Variants in MTUS1 observed in about 807,000 individuals in gnomAD.
MTUS1 encodes microtubule-associated tumor suppressor 1.
In MTUS1, 109 loss-of-function variants were observed where a neutral mutation model predicts 120.8. The observed-to-expected ratio is 0.90, with a 90% CI of 0.77 to 1.06. The LOEUF (loss-of-function observed/expected upper bound fraction) is 1.06, where lower values mean the gene tolerates loss of function less well. Among genes scored for constraint, MTUS1 ranks in the 50% least tolerant of loss-of-function variants. The probability of loss-of-function intolerance (pLI) is 0.00; values close to 1 mark genes in which losing one functional copy is unlikely to be tolerated. For missense variants in MTUS1, 2,210 were observed against 1,486.3 expected, an observed-to-expected ratio of 1.49 and a Z score of -8.01; for synonymous variants, 737 against 550.5, an observed-to-expected ratio of 1.34 and a Z score of -4.74.
intron 1 of MTUS1, among the ~76,000 whole-genome samples, chr8:17,759,327 G>C (rs2131369204): frequency 6.7e-6 from 1 of 149,730 alleles, no homozygotes; most frequent in Middle Eastern, 3.4e-3. Flanking sequence ...GCAGTGATGT[G>C]ATTACAGCTT....
chr8:17,683,441 AC>A (rs1199975064), intron 7 of MTUS1, among the ~76,000 whole-genome samples: 1 of 152,164 alleles, frequency 6.6e-6, no homozygotes, highest in East Asian at 1.9e-4. Context: ...AAACTACAGA[AC>A]AACCAAACTG....
intron 1 of MTUS1, among the ~76,000 whole-genome samples, chr8:17,792,536 C>G (rs1342695871): frequency 1.3e-5 from 2 of 152,170 alleles, no homozygotes; most frequent in Non-Finnish European, 2.9e-5. Context: ...GTAAGTAAAT[C>G]CCTTTGCAGA....
intron 6 of MTUS1, chr8:17,693,471 A>G (rs1315438509): frequency 7.2e-5 from 11 of 152,206 alleles, no homozygotes; most frequent in Admixed American, 5.9e-4. Context: ...CGTGGGATCA[A>G]TGAGAAAGCT....
intron 3 of MTUS1, 100 bp downstream of exon 3, chr8:17,743,504 G>A (rs1377337845): frequency 1.8e-6 from 2 of 1,135,928 alleles, no homozygotes; most frequent in African/African-American, 3.1e-5. Flanking sequence ...ATCCACAAAA[G>A]GCTAACTGCT....
rs1361777584 is a variant in MTUS1 at position 17,754,861 on chromosome 8, T to C, written c.947A>G (p.Asp316Gly). Residue 316 changes from aspartate to glycine, a missense_variant, in exon 2 of 15, where the codon GAT (aspartate) becomes GGT (glycine). Physicochemically the swap from Asp to Gly is moderately conservative, Grantham distance 94. Coordinates refer to ENST00000693296, the MANE Select transcript of MTUS1 (RefSeq NM_001363059.2). ...ALQEFFCLSH[D>G]ESNSEPHSQS... ...TGAATGTGGTTCGCTATTGGATTCA[T>C]CATGGGATAAACAAAAGAACTCTTG... 1 of 1,614,130 alleles carries C rather than the reference T, an allele frequency of 6.2e-7. No homozygotes were observed. Among genetic ancestry groups the C allele is most frequent in the African/African-American group, 1.3e-5 (1 of 74,948 alleles).
intron 1 of MTUS1, among the ~76,000 whole-genome samples, chr8:17,790,636 T>C (rs190794676): frequency 2.0e-5 from 3 of 152,312 alleles, no homozygotes; most frequent in Admixed American, 2.0e-4. Context: ...GATTAGAAAA[T>C]GTGAAAATAA....
chr8:17,758,786 G>A (rs895728578), intron 1 of MTUS1, among the ~76,000 whole-genome samples: 1 of 152,166 alleles, frequency 6.6e-6, no homozygotes, highest in Non-Finnish European at 1.5e-5. Context: ...TCAATTAATG[G>A]CATTTTTATT....
At chr8:17,777,680 T>C (rs2050563265) in intron 1 of MTUS1, among the ~76,000 whole-genome samples, 1 of 152,156 alleles carries the variant, frequency 6.6e-6, no homozygotes, top group Non-Finnish European at 1.5e-5. Flanking sequence ...ACTAAGTTCT[T>C]AGAAGGACTC....
chr8:17,684,064 G>A lies in MTUS1; in HGVS notation c.2838+264C>T, dbSNP rs532766505. Among the ~76,000 whole-genome samples, 19 of 152,294 alleles carry A rather than the reference G, an allele frequency of 1.2e-4. 1 individual carries two copies. The South Asian group carries it at 1.5e-3, about 12-fold the overall frequency. The stretch of plus-strand genomic sequence containing the variant: ...TTTAGGTCTAGAGGCATACACCGGC[G>A]TAAGAGGCAATTATGTTTTTTGCTG... On this transcript the variant is annotated intron_variant, in intron 7 of 14. Coordinates refer to ENST00000693296, the MANE Select transcript of MTUS1 (RefSeq NM_001363059.2).
chr8:17,661,928 T>G (rs912093606), intron 8 of MTUS1, among the ~76,000 whole-genome samples: 3 of 152,200 alleles, frequency 2.0e-5, no homozygotes, highest in Non-Finnish European at 2.9e-5. Context: ...GGAAGTGGCC[T>G]GGGCTGCGAA....
At chr8:17,694,646 C>T (rs1211175375) in intron 6 of MTUS1, among the ~76,000 whole-genome samples, 1 of 151,932 alleles carries the variant, frequency 6.6e-6, no homozygotes, top group Non-Finnish European at 1.5e-5. Context: ...CCAGCCTAGG[C>T]AACAGAGCGA....
intron 3 of MTUS1, among the ~76,000 whole-genome samples, chr8:17,735,187 T>A (rs112289493): frequency 0.012 from 1,758 of 152,282 alleles, 12 homozygotes; most frequent in South Asian, 0.028. Flanking sequence ...TGCTTCCCAG[T>A]CTGTAGCCTC....
intron 1 of MTUS1, among the ~76,000 whole-genome samples, chr8:17,795,150 A>G (rs898533324): frequency 6.6e-6 from 1 of 152,258 alleles, no homozygotes; most frequent in African/African-American, 2.4e-5. Flanking sequence ...CAAAAAGCAT[A>G]AAAGATAAGC....
At chr8:17,780,207 G>A (rs1322077698) in intron 1 of MTUS1, among the ~76,000 whole-genome samples, 1 of 152,032 alleles carries the variant, frequency 6.6e-6, no homozygotes. Context: ...AAAAAAAAGT[G>A]TGGTACCTCC....
chr8:17,648,252 G>C (rs1470597231), intron 13 of MTUS1, among the ~76,000 whole-genome samples: 1 of 152,154 alleles, frequency 6.6e-6, no homozygotes, highest in Non-Finnish European at 1.5e-5. Flanking sequence ...AATATGAAGG[G>C]AACAGTGGGT....
At chr8:17,730,069 A>G (rs1178621693) in intron 3 of MTUS1, among the ~76,000 whole-genome samples, 1 of 152,212 alleles carries the variant, frequency 6.6e-6, no homozygotes, top group East Asian at 1.9e-4. Flanking sequence ...GTGCAAGGCT[A>G]GCGGGAATGT....
At chr8:17,793,553 A>C (rs2051973278) in intron 1 of MTUS1, among the ~76,000 whole-genome samples, 2 of 152,208 alleles carry the variant, frequency 1.3e-5, no homozygotes, top group South Asian at 4.1e-4. Flanking sequence ...TCTGGGAGAA[A>C]TAATTATAAA....
chr8:17,676,006 T>C, intron 7 of MTUS1: 1 of 492,360 alleles, frequency 2.0e-6, no homozygotes. Context: ...AGTAATTACA[T>C]ACAGTTCCTT....
intron 14 of MTUS1, 46 bp from the exon 15 acceptor site, chr8:17,646,185 A>C: frequency 6.7e-7 from 1 of 1,502,254 alleles, no homozygotes; most frequent in East Asian, 2.3e-5. Flanking sequence ...TAAAAAAAAA[A>C]AAAACTTGAA....
Sources: gnomAD v4.1 joint callset for allele counts (sites outside exome capture counted in the v4.1 genomes callset) on GRCh38, gnomAD v4.1.1 for gene constraint, MANE v1.5 for transcripts, NCBI Gene and HGNC (gene_info 2026-07-23, HGNC 2026-07-21) for gene names.